Variants in ABHD18 observed in about 807,000 individuals in gnomAD.
ABHD18 encodes abhydrolase domain containing 18.
A neutral mutation model predicts 65.9 loss-of-function variants in ABHD18; 55 were observed. The observed-to-expected ratio is 0.84, with a 90% confidence interval of 0.67 to 1.05. The LOEUF (loss-of-function observed/expected upper bound fraction) is 1.05. ABHD18 is among the 50% of genes least tolerant of loss of function. The pLI, the probability that ABHD18 is intolerant of heterozygous loss-of-function variation, is 0.00. For synonymous variants in ABHD18, 181 were observed against 180.2 expected (o/e 1.00, Z -0.04); for missense variants, 533 against 558.5 (o/e 0.95, Z 0.46).
chr4:127,967,147 G>C (rs1194362421), intron 1 of ABHD18, among the ~76,000 whole-genome samples: 2 of 151,530 alleles, frequency 1.3e-5, no homozygotes, highest in Non-Finnish European at 2.9e-5. Flanking sequence ...GTGGACAAGG[G>C]GATTTTTAAC....
At chr4:128,012,895 G>C (rs982188859) in intron 7 of ABHD18, among the ~76,000 whole-genome samples, 1 of 151,664 alleles carries the variant, frequency 6.6e-6, no homozygotes, top group African/African-American at 2.4e-5. Flanking sequence ...GTAAAACCCT[G>C]TGTCTACTAA....
rs774107227 is a variant in ABHD18, at chr4:128,020,167, A to C, written c.697A>C (p.Thr233Pro). Residue 233 changes from threonine (T) to proline (P), a missense_variant and splice_region_variant, in exon 9 of 13, where the codon ACG (threonine) becomes CCG (proline). Thr to Pro is a conservative substitution (Grantham distance 38). Around this residue, in one of 3 missense-constraint regions of ABHD18, gnomAD observed 309 missense variants for 313.5 expected, o/e 0.99. Coordinates refer to ENST00000645843, the MANE Select transcript of ABHD18 (RefSeq NM_001358451.3). ...GTCCACAGCATCTGGGGTCTTCACT[A>C]CGGTAATTTAATTGTAATTAATATT... ...SWSTASGVFT[T>P]GVLSKSINWR... 1.2e-6 allele frequency: 2 copies of C among 1,610,086 alleles called. No individual in the cohort carries two copies. The highest frequency in any genetic ancestry group is 1.1e-5 in the South Asian group (1 of 90,698).
intron 4 of ABHD18, among the ~76,000 whole-genome samples, chr4:127,997,834 A>ATCTCCTCCT (rs1218295731): frequency 1.4e-5 from 2 of 145,226 alleles, no homozygotes; most frequent in Non-Finnish European, 3.0e-5. Context: ...TTCTTTCTTC[A>ATCTCCTCCT]TCTCCTCCTT....
chr4:128,021,157 T>C lies in ABHD18; in HGVS notation c.720T>C (p.Ile240=). The change falls in exon 10 of 13, where the codon ATT becomes ATC. Residue 240 remains isoleucine (I), a synonymous_variant. Coordinates refer to ENST00000645843, the MANE Select transcript of ABHD18 (RefSeq NM_001358451.3). ...TTCAGGGTGTGTTGAGTAAATCAAT[T>C]AATTGGAGGGAGCTGGAAAAGCAAT... ...VFTTGVLSKS[I]NWRELEKQYY... 6.5e-7 allele frequency: 1 copy of C among 1,547,470 alleles called. No individual in the cohort carries two copies. Among genetic ancestry groups the C allele is most frequent in the African/African-American group, 1.4e-5 (1 of 73,106 alleles).
chr4:127,979,320 C>T (rs1202832178), intron 1 of ABHD18, among the ~76,000 whole-genome samples: 1 of 152,116 alleles, frequency 6.6e-6, no homozygotes, highest in Non-Finnish European at 1.5e-5. Context: ...CTTTGGGGAG[C>T]TGAGGCAGGT....
At chr4:128,007,360 A>G (rs1355809381) in intron 4 of ABHD18, among the ~76,000 whole-genome samples, 1 of 151,320 alleles carries the variant, frequency 6.6e-6, no homozygotes, top group Non-Finnish European at 1.5e-5. Context: ...GTTAAAATGT[A>G]TATTCCACCA....
At chr4:128,007,196 G>A (rs908493505) in intron 4 of ABHD18, among the ~76,000 whole-genome samples, 2 of 152,038 alleles carry the variant, frequency 1.3e-5, no homozygotes, top group East Asian at 1.9e-4. Flanking sequence ...GCACATGCCT[G>A]TAGTCCCAGC....
At chr4:128,029,913 G>A (rs551130824) in intron 11 of ABHD18, among the ~76,000 whole-genome samples, 1 of 152,230 alleles carries the variant, frequency 6.6e-6, no homozygotes, top group African/African-American at 2.4e-5. Flanking sequence ...CTTGAGCCCA[G>A]GAATTCAAGG....
intron 8 of ABHD18, among the ~76,000 whole-genome samples, chr4:128,018,285 C>T (rs1579397495): frequency 6.6e-6 from 1 of 152,086 alleles, no homozygotes; most frequent in African/African-American, 2.4e-5. Flanking sequence ...TTACTTGGCA[C>T]ATATTAGTCA....
chr4:127,974,697 A>G (rs536763884), intron 1 of ABHD18, among the ~76,000 whole-genome samples: 1 of 151,870 alleles, frequency 6.6e-6, no homozygotes, highest in East Asian at 2.0e-4. Flanking sequence ...TAAATAGTGA[A>G]CTACTTCTGG....
chr4:128,010,969 A>G (rs1754431842), intron 6 of ABHD18, among the ~76,000 whole-genome samples: 1 of 151,236 alleles, frequency 6.6e-6, no homozygotes, highest in Non-Finnish European at 1.5e-5. Context: ...GGTTGTCTGT[A>G]GATAAAGTAG....
intron 8 of ABHD18, among the ~76,000 whole-genome samples, chr4:128,018,193 T>C (rs1224226033): frequency 1.3e-5 from 2 of 152,212 alleles, no homozygotes; most frequent in Non-Finnish European, 2.9e-5. Flanking sequence ...AACTTTTTAC[T>C]GTACTTTACT....
At chr4:128,032,080 T>C (rs1758294548) in intron 12 of ABHD18, among the ~76,000 whole-genome samples, 1 of 152,200 alleles carries the variant, frequency 6.6e-6, no homozygotes, top group Non-Finnish European at 1.5e-5. Context: ...AGCTAAGACG[T>C]ATTAGGAAGA....
intron 6 of ABHD18, among the ~76,000 whole-genome samples, chr4:128,010,290 G>A (rs545388664): frequency 6.6e-6 from 1 of 152,338 alleles, no homozygotes; most frequent in South Asian, 2.1e-4. Context: ...AGGACTTTGG[G>A]AGGCCGAGGT....
At chr4:128,028,909 A>G (rs1005960897) in intron 11 of ABHD18, 56 bp downstream of exon 11, 7 of 1,324,368 alleles carry the variant, frequency 5.3e-6, no homozygotes, top group Non-Finnish European at 7.1e-6. Flanking sequence ...TATTTGTGAA[A>G]TATTTTAAAA....
chr4:127,988,135 G>T (rs1245407663), intron 3 of ABHD18, among the ~76,000 whole-genome samples: 1 of 152,188 alleles, frequency 6.6e-6, no homozygotes, highest in African/African-American at 2.4e-5. Flanking sequence ...CATGATAATA[G>T]TAGCGTTTTA....
intron 8 of ABHD18, among the ~76,000 whole-genome samples, chr4:128,018,090 T>C (rs1399257764): frequency 1.3e-5 from 2 of 152,158 alleles, no homozygotes; most frequent in Non-Finnish European, 2.9e-5. Flanking sequence ...AGTGCTCCCT[T>C]ATTCTCTTTC....
At chr4:127,994,907 T>C (rs1751491900) in intron 4 of ABHD18, among the ~76,000 whole-genome samples, 2 of 152,192 alleles carry the variant, frequency 1.3e-5, no homozygotes, top group South Asian at 4.1e-4. Context: ...TTAGATGGAG[T>C]CTCACTCTGT....
rs1759084729 is a variant in ABHD18, at chr4:128,038,764, G to A, written c.*2951G>A. On this transcript the variant is annotated 3_prime_UTR_variant, in exon 13 of 13. Coordinates refer to ENST00000645843, the MANE Select transcript of ABHD18 (RefSeq NM_001358451.3). ...AATTTTTAAAAAAAATACAAAATTA[G>A]CCAGGCGTGGTGGCACATGCCTGTA... 1 of 151,970 alleles carries A rather than the reference G, an allele frequency of 6.6e-6. No individual in the cohort carries two copies. Among genetic ancestry groups the A allele is most frequent in the Non-Finnish European group, 1.5e-5 (1 of 68,014 alleles). 9.4% of individuals were successfully genotyped at this position (151,970 alleles called of 1,614,324 possible).
Sources: gnomAD v4.1 joint callset for allele counts (sites outside exome capture counted in the v4.1 genomes callset) on GRCh38, gnomAD v4.1.1 for gene constraint, gnomAD v4.1.1 regional missense constraint, MANE v1.5 for transcripts, NCBI Gene and HGNC (gene_info 2026-07-23, HGNC 2026-07-21) for gene names.